Variants in ANXA11 observed in about 807,000 individuals in gnomAD.
ANXA11 encodes 56 kDa autoantigen.
A neutral mutation model predicts 64.7 loss-of-function variants in ANXA11; 57 were observed. The observed-to-expected ratio is 0.88, with a 90% CI of 0.71 to 1.10. The LOEUF (loss-of-function observed/expected upper bound fraction) is 1.10, where lower values mean the gene tolerates loss of function less well. ANXA11 is among the 50% of genes least tolerant of loss of function. The pLI, the probability that ANXA11 is intolerant of heterozygous loss-of-function variation, is 0.00. For synonymous variants in ANXA11, 260 were observed against 265.2 expected (o/e 0.98, Z 0.19); for missense variants, 675 against 670.7 (o/e 1.01, Z -0.07).
chr10:80,158,085 A>C, intron 13 of ANXA11, 60 bp from the exon 14 acceptor site: 1 of 1,536,490 alleles, frequency 6.5e-7, no homozygotes, highest in Non-Finnish European at 9.0e-7. Context: ...CAAGCAGGGC[A>C]TGGAGTCTAC....
chr10:80,167,178 G>A, intron 6 of ANXA11, 48 bp downstream of exon 6: 1 of 1,581,272 alleles, frequency 6.3e-7, no homozygotes, highest in Non-Finnish European at 8.7e-7. Context: ...AAACTGCCTG[G>A]GAAATAGGGG....
chr10:80,180,127 A>G (rs1846304636), intron 1 of ANXA11, among the ~76,000 whole-genome samples: 1 of 152,242 alleles, frequency 6.6e-6, no homozygotes, highest in African/African-American at 2.4e-5. Context: ...CTAAAAGGGT[A>G]CTAGCTGGAG....
intron 1 of ANXA11, among the ~76,000 whole-genome samples, chr10:80,203,044 CAAA>C (rs11444706): frequency 1.4e-4 from 12 of 85,236 alleles, no homozygotes; most frequent in Non-Finnish European, 1.7e-4. Context: ...AAATCTGTCT[CAAA>C]AAAAAAAAAA....
intron 1 of ANXA11, among the ~76,000 whole-genome samples, chr10:80,178,662 G>A (rs956563337): frequency 2.0e-5 from 3 of 152,220 alleles, no homozygotes; most frequent in African/African-American, 7.2e-5. Context: ...CAGATTGCTG[G>A]GCCCCACCTC....
chr10:80,186,093 G>A (rs542277273), intron 1 of ANXA11, among the ~76,000 whole-genome samples: 25 of 152,254 alleles, frequency 1.6e-4, no homozygotes, highest in East Asian at 5.8e-4. Context: ...CCAGCAACGC[G>A]ATCTTGACAG....
intron 1 of ANXA11, among the ~76,000 whole-genome samples, chr10:80,200,244 A>G (rs1840361448): frequency 6.6e-6 from 1 of 152,226 alleles, no homozygotes. Context: ...GTGAGCCTGA[A>G]CAGAAGCTAA....
At chr10:80,195,315 C>T (rs554780902) in intron 1 of ANXA11, among the ~76,000 whole-genome samples, 32 of 152,284 alleles carry the variant, frequency 2.1e-4, no homozygotes, top group African/African-American at 7.0e-4. Context: ...CCCAGTCAGC[C>T]GCATGCAACT....
chr10:80,188,750 G>A (rs1846648971), intron 1 of ANXA11, among the ~76,000 whole-genome samples: 1 of 152,140 alleles, frequency 6.6e-6, no homozygotes, highest in East Asian at 1.9e-4. Context: ...TTGTAAAGCA[G>A]GACACAGTTA....
chr10:80,157,426 G>A, intron 15 of ANXA11: 2 of 985,364 alleles, frequency 2.0e-6, no homozygotes, highest in Non-Finnish European at 2.4e-6. Context: ...TGCTGCTGGG[G>A]GATGCAAGGT....
chr10:80,163,339 TCA>T lies in ANXA11; in HGVS notation c.1086+8_1086+9del. The T allele has an allele frequency of 6.2e-7, 1 of 1,612,924 alleles. No homozygotes were observed. Among genetic ancestry groups the T allele is most frequent in the East Asian group, 2.2e-5 (1 of 44,874 alleles). On this transcript the variant is annotated splice_region_variant and intron_variant, in intron 11 of 15. Coordinates refer to ENST00000422982, the MANE Select transcript of ANXA11 (RefSeq NM_145868.2). ...TTTAGGAAGTCCAGGGGCTTGGCCA[TCA>T]CACTCACCTGGGCATCTCTCTGGGC...
chr10:80,157,821 C>T, intron 14 of ANXA11, 58 bp from the exon 15 acceptor site: 2 of 1,596,296 alleles, frequency 1.3e-6, no homozygotes, highest in South Asian at 2.3e-5. Context: ...CCCACCTGCC[C>T]TGGGCCCTCC....
intron 1 of ANXA11, among the ~76,000 whole-genome samples, chr10:80,189,708 T>C (rs533989212): frequency 6.6e-6 from 1 of 152,374 alleles, no homozygotes; most frequent in South Asian, 2.1e-4. Context: ...TTGAGCGTCA[T>C]GTTGGAGCTC....
In ANXA11 at chr10:80,164,142, C is replaced by A. The variant is rs1474655596; in HGVS notation, c.860G>T (p.Gly287Val). The change falls in exon 9 of 16, where the codon GGG (glycine) becomes GTG (valine). Residue 287 changes from glycine (G) to valine (V), a missense_variant and splice_region_variant. Gly to Val is a moderately radical substitution (Grantham distance 109). Transcript: ENST00000422982. ...DIYEIKEAIKGVGTDEACLIE... is the reference protein window; with the variant it reads ...DIYEIKEAIKVVGTDEACLIE... Reference sequence around the variant, plus strand: ...CAGGCAGGCTTCATCAGTGCCAACCCCCTGCAGGGGCAGAGAATACAACCA... The same window carrying A: ...CAGGCAGGCTTCATCAGTGCCAACCACCTGCAGGGGCAGAGAATACAACCA... The A allele has an allele frequency of 6.2e-7, 1 of 1,613,536 alleles. No homozygotes were observed. The highest frequency in any genetic ancestry group is 1.7e-5 in the Admixed American group (1 of 59,990).
chr10:80,179,510 T>C (rs1216547665), intron 1 of ANXA11, among the ~76,000 whole-genome samples: 2 of 152,234 alleles, frequency 1.3e-5, no homozygotes, highest in Non-Finnish European at 2.9e-5. Context: ...GGACACAGAC[T>C]AGACCTAGGC....
At chr10:80,165,859 T>A (rs1845698137) in intron 8 of ANXA11, among the ~76,000 whole-genome samples, 1 of 152,096 alleles carries the variant, frequency 6.6e-6, no homozygotes, top group African/African-American at 2.4e-5. Flanking sequence ...GACTGGTGCG[T>A]CATTTGCCTC....
intron 1 of ANXA11, among the ~76,000 whole-genome samples, chr10:80,194,937 G>T (rs1483101904): frequency 6.6e-6 from 1 of 152,178 alleles, no homozygotes; most frequent in Non-Finnish European, 1.5e-5. Flanking sequence ...CTGCATTTGT[G>T]ATCACAGGAG....
rs1840636431 is a variant in ANXA11 at position 80,205,483 on chromosome 10, C to CG, written c.-199dup. The CG allele has an allele frequency of 6.6e-6, 1 of 151,978 alleles. No homozygotes were observed. Among genetic ancestry groups the CG allele is most frequent in the African/African-American group, 2.4e-5 (1 of 41,408 alleles). The allele number at this position is 151,978 out of a possible 1,614,324, so 9.4% of individuals were successfully genotyped here. On this transcript the variant is annotated 5_prime_UTR_variant, in exon 1 of 16. Transcript: ENST00000422982. The stretch of plus-strand genomic sequence containing the variant: ...CCGCTCGCGGGGCCCGCGGGGCACT[C>CG]GGGGCACTGGGGAGCCGCGGGCGCA...
intron 1 of ANXA11, among the ~76,000 whole-genome samples, chr10:80,182,538 G>A (rs1390612994): frequency 6.6e-6 from 1 of 152,054 alleles, no homozygotes; most frequent in Admixed American, 6.5e-5. Context: ...TGTACATTTT[G>A]TTTTGGCTTT....
At chr10:80,156,427 C>T (rs150824921) in intron 15 of ANXA11, 217 of 472,058 alleles carry the variant, frequency 4.6e-4, no homozygotes, top group African/African-American at 4.1e-3. Flanking sequence ...TTCCTTCCAC[C>T]CTAAGCAACT....
Sources: allele counts gnomAD v4.1 joint callset (sites outside exome capture counted in the v4.1 genomes callset), GRCh38; gene constraint gnomAD v4.1.1; transcripts MANE v1.5; gene names NCBI Gene and HGNC (gene_info 2026-07-23, HGNC 2026-07-21).